The following NAV3 variants were observed in gnomAD, a reference collection of about 807,000 sequenced individuals.
The protein encoded by NAV3 is pore membrane and/or filament interacting like protein 1.
A neutral mutation model predicts 244.7 loss-of-function variants in NAV3; 87 were observed. That is an observed-to-expected ratio of 0.36 (90% CI 0.30 to 0.42). NAV3 has a LOEUF of 0.42. Ranked by LOEUF, NAV3 falls within the 20% of genes least tolerant of loss-of-function variation. The pLI is 1.00. For synonymous variants in NAV3, 1,126 were observed against 1,042.2 expected, an observed-to-expected ratio of 1.08 and a Z score of -1.55; for missense variants, 2,663 against 2,893.3, an observed-to-expected ratio of 0.92 and a Z score of 1.83.
intron 7 of NAV3, among the ~76,000 whole-genome samples, chr12:77,999,960 C>T (rs1212243129): frequency 6.6e-6 from 1 of 152,010 alleles, no homozygotes; most frequent in Non-Finnish European, 1.5e-5. Flanking sequence ...ACGATACCAC[C>T]GTTATTGATA....
intron 12 of NAV3, among the ~76,000 whole-genome samples, chr12:78,083,076 A>C (rs1414401723): frequency 6.6e-6 from 1 of 152,210 alleles, no homozygotes; most frequent in African/African-American, 2.4e-5. Context: ...TAGAGTTATG[A>C]AGGCTGAGAA....
chr12:78,125,762 C>T (rs2138779289), intron 16 of NAV3, among the ~76,000 whole-genome samples: 1 of 152,302 alleles, frequency 6.6e-6, no homozygotes, highest in South Asian at 2.1e-4. Flanking sequence ...TAGATTCAAA[C>T]ATATTTCTAA....
chr12:77,854,583 G>GTATA (rs1484328146), intron 1 of NAV3, among the ~76,000 whole-genome samples: 213 of 48,034 alleles, frequency 4.4e-3, no homozygotes, highest in African/African-American at 7.7e-3. Context: ...GTGTGTATGT[G>GTATA]TGTATGTGTG....
chr12:78,119,650 C>T lies in NAV3; in HGVS notation c.3454C>T (p.Arg1152Ter), dbSNP rs2138623943. 1 of 1,614,078 alleles carries T rather than the reference C, an allele frequency of 6.2e-7. No individual in the cohort carries two copies. The highest frequency in any genetic ancestry group is 8.5e-7 in the Non-Finnish European group (1 of 1,180,018). ...SKSSTSGIPGRGGHRSSTSSI... is the reference protein window; with the variant it reads ...SKSSTSGIPG ...ATCCAGCACCAGTGGCATTCCTGGCCGAGGAGGCCACAGATCCAGTACCAG... is the reference window on the plus strand; with the variant it reads ...ATCCAGCACCAGTGGCATTCCTGGCTGAGGAGGCCACAGATCCAGTACCAG... Residue 1152 changes from arginine to a stop codon, truncating the protein, a stop_gained, in exon 15 of 40, where the codon CGA (arginine) becomes TGA (stop). Coordinates refer to ENST00000397909, the MANE Select transcript of NAV3 (RefSeq NM_001024383.2). LOFTEE classifies it high-confidence loss of function.
chr12:77,945,747 A>T (rs1463450578), intron 3 of NAV3, among the ~76,000 whole-genome samples: 1 of 151,712 alleles, frequency 6.6e-6, no homozygotes, highest in Non-Finnish European at 1.5e-5. Flanking sequence ...TACTTTATTT[A>T]TTATTATTAT....
At chr12:78,007,567 C>A in intron 8 of NAV3, 122 bp downstream of exon 8, 1 of 1,090,438 alleles carries the variant, frequency 9.2e-7, no homozygotes, top group Non-Finnish European at 1.3e-6. Context: ...AAGTTTCATG[C>A]TAAAGATAGA....
intron 2 of NAV3, among the ~76,000 whole-genome samples, chr12:77,800,480 T>G (rs34686943): frequency 0.08 from 12,136 of 152,154 alleles, 598 homozygotes; most frequent in South Asian, 0.22. Context: ...GAATGTGGAT[T>G]TTTTGATAGT....
intron 2 of NAV3, among the ~76,000 whole-genome samples, chr12:77,575,726 C>T (rs902272777): frequency 6.6e-5 from 10 of 152,118 alleles, no homozygotes; most frequent in African/African-American, 2.2e-4. Flanking sequence ...AGTCTAATTG[C>T]AGCAGTTTGC....
intron 2 of NAV3, among the ~76,000 whole-genome samples, chr12:77,622,229 G>A (rs894131232): frequency 5.9e-5 from 9 of 151,838 alleles, no homozygotes; most frequent in Admixed American, 2.6e-4. Flanking sequence ...GCGCAATCTC[G>A]GCTCACTGCA....
intron 20 of NAV3, among the ~76,000 whole-genome samples, chr12:78,141,252 C>A (rs1289245918): frequency 7.0e-6 from 1 of 142,482 alleles, no homozygotes; most frequent in African/African-American, 2.5e-5. Flanking sequence ...AAACGTGTGA[C>A]ATTATAATTC....
chr12:77,659,425 A>G (rs1002714721), intron 2 of NAV3, among the ~76,000 whole-genome samples: 1 of 152,222 alleles, frequency 6.6e-6, no homozygotes, highest in Non-Finnish European at 1.5e-5. Flanking sequence ...ATCTCACACC[A>G]GTTAGAATGG....
At chr12:77,986,002 C>G (rs1441353453) in intron 5 of NAV3, among the ~76,000 whole-genome samples, 2 of 152,060 alleles carry the variant, frequency 1.3e-5, no homozygotes, top group African/African-American at 4.8e-5. Flanking sequence ...AGAATAAATA[C>G]CAAATTCCTT....
At chr12:77,748,046 T>TAAAAAA (rs561371327) in intron 2 of NAV3, among the ~76,000 whole-genome samples, 1 of 151,860 alleles carries the variant, frequency 6.6e-6, no homozygotes, top group African/African-American at 2.4e-5. Flanking sequence ...AAAATAAAAA[T>TAAAAAA]AAAAAAAATT....
At chr12:77,832,328 T>C (rs1873853178) in intron 1 of NAV3, among the ~76,000 whole-genome samples, 1 of 152,234 alleles carries the variant, frequency 6.6e-6, no homozygotes, top group Non-Finnish European at 1.5e-5. Context: ...TTGTGAGTAG[T>C]TGCTCATAGC....
At chr12:77,661,438 A>T (rs577439210) in intron 2 of NAV3, among the ~76,000 whole-genome samples, 1 of 152,250 alleles carries the variant, frequency 6.6e-6, no homozygotes, top group Admixed American at 6.5e-5. Context: ...TTATTGATAT[A>T]TTGTAGACAG....
chr12:78,187,901 A>T (rs1257785336), intron 31 of NAV3, among the ~76,000 whole-genome samples: 1 of 151,940 alleles, frequency 6.6e-6, no homozygotes, highest in Non-Finnish European at 1.5e-5. Flanking sequence ...TCTCTTTAAG[A>T]AAGTATGCAC....
chr12:78,179,734 G>C, intron 29 of NAV3, 52 bp downstream of exon 29: 1 of 1,557,756 alleles, frequency 6.4e-7, no homozygotes, highest in Non-Finnish European at 8.7e-7. Context: ...AAAAAATGCT[G>C]CTTATTCTGT....
intron 2 of NAV3, among the ~76,000 whole-genome samples, chr12:77,746,485 G>C (rs1387041022): frequency 6.6e-6 from 1 of 152,080 alleles, no homozygotes; most frequent in Non-Finnish European, 1.5e-5. Context: ...ACATCTATAT[G>C]TGTGCATATA....
intron 1 of NAV3, among the ~76,000 whole-genome samples, chr12:77,895,931 C>CTT (rs1884563179): frequency 1.6e-5 from 2 of 124,604 alleles, no homozygotes; most frequent in Admixed American, 9.5e-5. Context: ...GCCATTTAGA[C>CTT]TGCCTTTTGA....
Sources: allele counts gnomAD v4.1 joint callset (sites outside exome capture counted in the v4.1 genomes callset), GRCh38; gene constraint gnomAD v4.1.1; transcripts MANE v1.5; gene names NCBI Gene and HGNC (gene_info 2026-07-23, HGNC 2026-07-21).